The following ZEB1 variants were observed in gnomAD, a reference collection of about 807,000 sequenced individuals.
ZEB1 encodes zinc finger E-box-binding homeobox 1.
Under a neutral mutation model 84.9 loss-of-function variants are expected in ZEB1, and 21 were observed. The ratio of observed to expected loss-of-function variants is 0.25; its 90% CI spans 0.18 to 0.36. ZEB1 has a LOEUF of 0.36. Ranked by LOEUF, ZEB1 falls within the 10% of genes least tolerant of loss-of-function variation. The probability of loss-of-function intolerance (pLI) is 1.00; values close to 1 mark genes in which losing one functional copy is unlikely to be tolerated. For synonymous variants in ZEB1, 420 were observed against 471.1 expected (o/e 0.89, Z 1.41); for missense variants, 1,104 against 1,330.2 (o/e 0.83, Z 2.65).
In ZEB1 at chr10:31,471,087, C is replaced by T. The variant is rs879090763; in HGVS notation, c.259+9850C>T. 2.6e-3 allele frequency among the ~76,000 whole-genome samples: 330 copies of T among 126,248 alleles called. 4 individuals carry two copies. The highest frequency in any genetic ancestry group is 2.2e-3 in the African/African-American group (71 of 32,456). 82.8% of individuals were successfully genotyped at this position (126,248 alleles called of 152,430 possible). On this transcript the variant is annotated intron_variant, in intron 2 of 8. Transcript: ENST00000424869. ...AGCACTAAACATGGAAAGGAACAACCGGTACCAGCCGCTGCAAAATCATGC... is the reference window on the plus strand; with the variant it reads ...AGCACTAAACATGGAAAGGAACAACTGGTACCAGCCGCTGCAAAATCATGC...
chr10:31,335,001 T>C (rs567635867), intron 1 of ZEB1, among the ~76,000 whole-genome samples: 6 of 152,224 alleles, frequency 3.9e-5, no homozygotes, highest in Non-Finnish European at 7.4e-5. Flanking sequence ...AAGAAATGAC[T>C]GTCCCCAACT....
Position 31,528,918 on chromosome 10 carries a change from A to T in ZEB1, c.*1654A>T, listed in dbSNP as rs1456042518. ...TTACCCAGTTTTTAATATAAAACTTAAATTTTGAAATTCACTGTGTGACTA... is the reference window on the plus strand; with the variant it reads ...TTACCCAGTTTTTAATATAAAACTTTAATTTTGAAATTCACTGTGTGACTA... On this transcript the variant is annotated 3_prime_UTR_variant, in exon 9 of 9. Coordinates refer to ENST00000424869, the MANE Select transcript of ZEB1 (RefSeq NM_001174096.2). The T allele has an allele frequency of 6.6e-6, 1 of 152,206 alleles. No homozygotes were observed. Among genetic ancestry groups the T allele is most frequent in the Non-Finnish European group, 1.5e-5 (1 of 68,028 alleles). The allele number at this position is 152,206 out of a possible 1,614,324, so 9.4% of individuals were successfully genotyped here. A position where few individuals can be genotyped will look rare whatever the true frequency, so the allele number is the denominator to read the frequency against.
At chr10:31,335,905 T>C (rs1471431640) in intron 1 of ZEB1, among the ~76,000 whole-genome samples, 1 of 152,196 alleles carries the variant, frequency 6.6e-6, no homozygotes, top group Non-Finnish European at 1.5e-5. Context: ...TGCAGAATTA[T>C]TATACAAATT....
intron 1 of ZEB1, chr10:31,321,805 A>AC: frequency 2.0e-6 from 1 of 496,908 alleles, no homozygotes; most frequent in Non-Finnish European, 3.6e-6. Context: ...TGAAATCAAC[A>AC]GGAAAGAGAG....
chr10:31,471,995 G>A (rs1042293581), intron 2 of ZEB1, among the ~76,000 whole-genome samples: 3 of 142,326 alleles, frequency 2.1e-5, no homozygotes, highest in African/African-American at 9.2e-5. Context: ...CAGAAATAAA[G>A]ATGTTCTTTG....
chr10:31,428,204 C>CTA (rs1182043427), intron 1 of ZEB1, among the ~76,000 whole-genome samples: 2 of 152,270 alleles, frequency 1.3e-5, no homozygotes, highest in African/African-American at 4.8e-5. Context: ...GCATTTGGTG[C>CTA]TATAAATCTC....
At chr10:31,455,403 T>C (rs2061086931) in intron 1 of ZEB1, among the ~76,000 whole-genome samples, 1 of 152,084 alleles carries the variant, frequency 6.6e-6, no homozygotes, top group Admixed American at 6.6e-5. Context: ...GAAGCCAAAA[T>C]TGACAAATGG....
At chr10:31,368,654 C>T (rs2045071247) in intron 1 of ZEB1, among the ~76,000 whole-genome samples, 1 of 151,784 alleles carries the variant, frequency 6.6e-6, no homozygotes, top group East Asian at 1.9e-4. Context: ...TCAAGTAAAA[C>T]TCGTTAAGCA....
chr10:31,430,954 C>G (rs923959658), intron 1 of ZEB1, among the ~76,000 whole-genome samples: 2 of 152,104 alleles, frequency 1.3e-5, no homozygotes, highest in Non-Finnish European at 2.9e-5. Context: ...AGTATACAGT[C>G]TTTTTGCATG....
intron 1 of ZEB1, among the ~76,000 whole-genome samples, chr10:31,367,037 C>T (rs954964794): frequency 3.2e-4 from 49 of 152,144 alleles, no homozygotes; most frequent in African/African-American, 1.1e-3. Flanking sequence ...ATATAAGCTT[C>T]TTCAACTCTT....
chr10:31,367,256 C>T (rs868099025), intron 1 of ZEB1, among the ~76,000 whole-genome samples: 13 of 152,252 alleles, frequency 8.5e-5, no homozygotes, highest in African/African-American at 2.6e-4. Context: ...TACTGGTATA[C>T]GTAGTGTCTT....
intron 1 of ZEB1, chr10:31,319,921 C>G (rs1402465710): frequency 7.0e-6 from 1 of 143,280 alleles, no homozygotes; most frequent in African/African-American, 2.6e-5. Flanking sequence ...ACGGGGCGGC[C>G]GCGGGTTGCG....
At chr10:31,335,711 C>G (rs570955818) in intron 1 of ZEB1, among the ~76,000 whole-genome samples, 2 of 152,212 alleles carry the variant, frequency 1.3e-5, no homozygotes, top group East Asian at 3.9e-4. Context: ...CCTTTGATAT[C>G]AAAGGACAAG....
chr10:31,376,739 ATAT>A (rs1283719824), intron 1 of ZEB1, among the ~76,000 whole-genome samples: 2 of 151,628 alleles, frequency 1.3e-5, no homozygotes, highest in Non-Finnish European at 3.0e-5. Context: ...GTGGAAAAAT[ATAT>A]TATTTGATAT....
chr10:31,387,287 G>T (rs1458636419), intron 1 of ZEB1: 1 of 985,602 alleles, frequency 1.0e-6, no homozygotes, highest in African/African-American at 1.7e-5. Context: ...TGTAGTGAGT[G>T]CACACTCGTG....
chr10:31,455,393 G>A (rs150345210), intron 1 of ZEB1, among the ~76,000 whole-genome samples: 7,326 of 152,008 alleles, frequency 0.048, 581 homozygotes, highest in African/African-American at 0.17. Flanking sequence ...AATGGCAACA[G>A]AAGCCAAAAT....
intron 2 of ZEB1, among the ~76,000 whole-genome samples, chr10:31,463,063 ATAC>A (rs2061993056): frequency 2.0e-5 from 3 of 152,192 alleles, no homozygotes; most frequent in Admixed American, 2.0e-4. Context: ...GTTAATGTTA[ATAC>A]TAAGCTCAAA....
chr10:31,367,342 G>A (rs1046954397), intron 1 of ZEB1, among the ~76,000 whole-genome samples: 1 of 152,060 alleles, frequency 6.6e-6, no homozygotes, highest in Non-Finnish European at 1.5e-5. Flanking sequence ...GAAATCTCTG[G>A]GAGTGTGGCC....
intron 1 of ZEB1, among the ~76,000 whole-genome samples, chr10:31,335,175 C>T (rs2037741293): frequency 6.6e-6 from 1 of 152,050 alleles, no homozygotes; most frequent in South Asian, 2.1e-4. Context: ...ATGGAAAATT[C>T]AAGAAATAAA....
Sources: gnomAD v4.1 joint callset for allele counts (sites outside exome capture counted in the v4.1 genomes callset) on GRCh38, gnomAD v4.1.1 for gene constraint, MANE v1.5 for transcripts, NCBI Gene and HGNC (gene_info 2026-07-23, HGNC 2026-07-21) for gene names.